The following ADAMTS16 variants were observed in gnomAD, a reference collection of about 807,000 sequenced individuals.
ADAMTS16 encodes A disintegrin and metalloproteinase with thrombospondin motifs 16.
ADAMTS16 carries 94 observed loss-of-function variants against 145.8 expected under a neutral mutation model. That is an observed-to-expected ratio of 0.64 (90% CI 0.55 to 0.77). ADAMTS16 has a LOEUF of 0.77. Ranked by LOEUF, ADAMTS16 falls within the 30% of genes least tolerant of loss-of-function variation. The probability of loss-of-function intolerance (pLI) is 0.00; values close to 1 mark genes in which losing one functional copy is unlikely to be tolerated. For synonymous variants in ADAMTS16, 659 were observed against 604.3 expected (o/e 1.09, Z -1.33); for missense variants, 1,585 against 1,591.5 (o/e 1.00, Z 0.07).
rs1734203912 is a variant in ADAMTS16 at position 5,319,607 on chromosome 5, A to G, written c.*469A>G. 6.0e-6 allele frequency: 2 copies of G among 331,488 alleles called. No homozygotes were observed. Among genetic ancestry groups the G allele is most frequent in the Non-Finnish European group, 1.2e-5 (2 of 172,422 alleles). 20.5% of individuals were successfully genotyped at this position (331,488 alleles called of 1,614,324 possible). A position where few individuals can be genotyped will look rare whatever the true frequency, so the allele number is the denominator to read the frequency against. On this transcript the variant is annotated 3_prime_UTR_variant, in exon 23 of 23. Coordinates refer to ENST00000274181, the MANE Select transcript of ADAMTS16 (RefSeq NM_139056.4). ...TAGGAGGGCCCCTCGAGCCATCAGG[A>G]GTGACCAACTTCCTGGGTGGAGGTC... is the stretch of plus-strand genomic sequence containing the variant.
intron 17 of ADAMTS16, among the ~76,000 whole-genome samples, chr5:5,256,127 A>C (rs574582937): frequency 6.6e-6 from 1 of 152,278 alleles, no homozygotes; most frequent in East Asian, 1.9e-4. Context: ...TTATATACTT[A>C]CCTTATGTGC....
At chr5:5,187,359 T>A (rs997648688) in intron 5 of ADAMTS16, among the ~76,000 whole-genome samples, 1 of 152,176 alleles carries the variant, frequency 6.6e-6, no homozygotes, top group Admixed American at 6.5e-5. Flanking sequence ...CCTCTTGGAA[T>A]CCCATAAGTG....
chr5:5,203,493 T>C (rs892455425), intron 9 of ADAMTS16, among the ~76,000 whole-genome samples: 2 of 152,208 alleles, frequency 1.3e-5, no homozygotes, highest in Non-Finnish European at 2.9e-5. Context: ...TAGCATTTGA[T>C]AGTGGGAAAA....
At chr5:5,223,059 C>T (rs1302813189) in intron 11 of ADAMTS16, 175 bp downstream of exon 11, 5 of 555,828 alleles carry the variant, frequency 9.0e-6, no homozygotes, top group Non-Finnish European at 1.6e-5. Flanking sequence ...AAGAGGAATC[C>T]TTTTCTCACT....
chr5:5,162,172 C>T (rs1292564946), intron 3 of ADAMTS16, among the ~76,000 whole-genome samples: 8 of 152,126 alleles, frequency 5.3e-5, no homozygotes, highest in Non-Finnish European at 7.4e-5. Context: ...CATTATAAGT[C>T]GGGAAAATAA....
chr5:5,165,146 C>T (rs1734838932), intron 3 of ADAMTS16, among the ~76,000 whole-genome samples: 1 of 152,166 alleles, frequency 6.6e-6, no homozygotes, highest in South Asian at 2.1e-4. Context: ...AACCACTCCT[C>T]TGCTTCCCAC....
intron 11 of ADAMTS16, among the ~76,000 whole-genome samples, chr5:5,225,430 C>G (rs1266155662): frequency 6.6e-6 from 1 of 152,136 alleles, no homozygotes; most frequent in Non-Finnish European, 1.5e-5. Flanking sequence ...CGGTGAAACC[C>G]TGTCTCTACT....
In ADAMTS16 at chr5:5,276,559, G is replaced by T. The variant is rs556371509; in HGVS notation, c.2789+13776G>T. Among the ~76,000 whole-genome samples the T allele has an allele frequency of 3.9e-5, 6 of 152,348 alleles. No homozygotes were observed. In the East Asian group the frequency reaches 1.2e-3, roughly 29 times the overall value. ...TCTTTTTGCAGACCTATGATGCAGA[G>T]TTCCTAGATTTTCTGTGCACATTCT... On this transcript the variant is annotated intron_variant, in intron 18 of 22. Transcript: ENST00000274181.
intron 3 of ADAMTS16, among the ~76,000 whole-genome samples, chr5:5,154,851 T>G (rs7727715): frequency 0.14 from 21,379 of 152,070 alleles, 1,582 homozygotes; most frequent in African/African-American, 0.18. Flanking sequence ...AGAGATGACT[T>G]CTTAGTAATG....
At chr5:5,210,872 T>C (rs1736256226) in intron 10 of ADAMTS16, among the ~76,000 whole-genome samples, 1 of 152,210 alleles carries the variant, frequency 6.6e-6, no homozygotes, top group Admixed American at 6.5e-5. Context: ...TGAATTATTT[T>C]GATTGATCTT....
At chr5:5,254,215 C>A (rs1229769551) in intron 17 of ADAMTS16, among the ~76,000 whole-genome samples, 1 of 152,116 alleles carries the variant, frequency 6.6e-6, no homozygotes, top group Non-Finnish European at 1.5e-5. Flanking sequence ...CTAGTCCTTT[C>A]TTTTCCCCAC....
intron 10 of ADAMTS16, among the ~76,000 whole-genome samples, chr5:5,215,870 GTATATATATATATATATATA>G (rs55703329): frequency 0.21 from 21,443 of 101,820 alleles, 2,403 homozygotes; most frequent in Middle Eastern, 0.33. Flanking sequence ...GTGTGTATGT[GTATATATATATATATATATA>G]TATATATATA....
intron 20 of ADAMTS16, among the ~76,000 whole-genome samples, chr5:5,304,305 C>A (rs1361492258): frequency 3.3e-5 from 5 of 152,194 alleles, no homozygotes; most frequent in Admixed American, 3.3e-4. Flanking sequence ...TTCCTCTACA[C>A]CATTCAGGAG....
intron 3 of ADAMTS16, among the ~76,000 whole-genome samples, chr5:5,179,587 A>T (rs2126555996): frequency 6.6e-6 from 1 of 152,334 alleles, no homozygotes; most frequent in East Asian, 1.9e-4. Flanking sequence ...TTTATTTCAC[A>T]CTTGGCATTC....
Position 5,317,377 on chromosome 5 carries a change from T to C in ADAMTS16, c.3412-757T>C, listed in dbSNP as rs1474605691. ...TGAATATCAGCTTTTTTAATCAGTA[T>C]ACTTACTTACTTACTTACTTATTTA... On this transcript the variant is annotated intron_variant, in intron 21 of 22. Coordinates refer to ENST00000274181, the MANE Select transcript of ADAMTS16 (RefSeq NM_139056.4). This position sits in a 1 kb window ranked among gnomAD's most constrained non-coding sequence, Gnocchi z 4.5. 7.5e-6 allele frequency among the ~76,000 whole-genome samples: 1 copy of C among 132,834 alleles called. No homozygotes were observed. The highest frequency in any genetic ancestry group is 1.6e-5 in the Non-Finnish European group (1 of 63,452). The allele number at this position is 132,834 out of a possible 152,430, so 87.1% of individuals were successfully genotyped here.
chr5:5,306,388 C>A, intron 20 of ADAMTS16, 116 bp from the exon 21 acceptor site: 2 of 898,686 alleles, frequency 2.2e-6, no homozygotes, highest in Non-Finnish European at 3.5e-6. Context: ...CAATAATTTT[C>A]ACTGAATGTT....
chr5:5,188,225 G>A (rs1335795866), intron 6 of ADAMTS16, among the ~76,000 whole-genome samples: 1 of 152,120 alleles, frequency 6.6e-6, no homozygotes, highest in Non-Finnish European at 1.5e-5. Flanking sequence ...GTACTGTGTG[G>A]CCCTGTGTTG....
At chr5:5,312,293 A>C (rs567881575) in intron 21 of ADAMTS16, among the ~76,000 whole-genome samples, 1 of 152,318 alleles carries the variant, frequency 6.6e-6, no homozygotes, top group Non-Finnish European at 1.5e-5. Context: ...AGAAATAAAT[A>C]ATTGAAATTA....
chr5:5,170,715 T>TG (rs1735021346), intron 3 of ADAMTS16, among the ~76,000 whole-genome samples: 1 of 152,088 alleles, frequency 6.6e-6, no homozygotes, highest in Non-Finnish European at 1.5e-5. Context: ...TAGATTTTTT[T>TG]TTTTCCTGTA....
Sources: allele counts gnomAD v4.1 joint callset (sites outside exome capture counted in the v4.1 genomes callset), GRCh38; gene constraint gnomAD v4.1.1; non-coding constraint Gnocchi (gnomAD v3.1); transcripts MANE v1.5; gene names NCBI Gene and HGNC (gene_info 2026-07-23, HGNC 2026-07-21).